The following OR1J2 variants were observed in gnomAD, a reference collection of about 807,000 sequenced individuals.
OR1J2 encodes olfactory receptor family 1 subfamily J member 2.
For synonymous variants in OR1J2, 142 were observed against 99.7 expected (o/e 1.42, Z -2.52); for missense variants, 304 against 246.1 (o/e 1.24, Z -1.57).
At chr9:122,455,923 AC>A in the OR1J2 span, among the ~76,000 whole-genome samples, 1 of 152,104 alleles carries the variant, frequency 6.6e-6, no homozygotes, top group African/African-American at 2.4e-5. Flanking sequence ...CTATCCAATC[AC>A]CCCAGAACCA....
chr9:122,482,633 T>C, the OR1J2 span, among the ~76,000 whole-genome samples: 1 of 152,084 alleles, frequency 6.6e-6, no homozygotes, highest in Non-Finnish European at 1.5e-5. Context: ...AGTGGATAAA[T>C]GGATAAAGAA....
At chr9:122,577,363 C>G in the OR1J2 span, among the ~76,000 whole-genome samples, 2 of 152,028 alleles carry the variant, frequency 1.3e-5, no homozygotes, top group Non-Finnish European at 2.9e-5. Context: ...TTTACTTAGC[C>G]AAAAGTTTTC....
the OR1J2 span, among the ~76,000 whole-genome samples, chr9:122,564,817 G>A: frequency 6.6e-6 from 1 of 152,230 alleles, no homozygotes; most frequent in Non-Finnish European, 1.5e-5. Flanking sequence ...AGGGCCAGCA[G>A]TACACCTTAA....
chr9:122,462,487 G>A, the OR1J2 span, among the ~76,000 whole-genome samples: 1 of 152,006 alleles, frequency 6.6e-6, no homozygotes, highest in African/African-American at 2.4e-5. Flanking sequence ...CCTTGTTTTT[G>A]TTTTTCATTG....
chr9:122,464,032 C>T, the OR1J2 span, among the ~76,000 whole-genome samples: 1 of 152,186 alleles, frequency 6.6e-6, no homozygotes, highest in African/African-American at 2.4e-5. Flanking sequence ...TCTTTGGCTA[C>T]CAGGTCAGCT....
the OR1J2 span, among the ~76,000 whole-genome samples, chr9:122,574,572 G>C: frequency 6.6e-6 from 1 of 151,978 alleles, no homozygotes; most frequent in Non-Finnish European, 1.5e-5. Flanking sequence ...TTGCTTATTA[G>C]TTCCAGGAAT....
the OR1J2 span, among the ~76,000 whole-genome samples, chr9:122,449,408 C>T: frequency 0.023 from 3,425 of 152,122 alleles, 46 homozygotes; most frequent in Middle Eastern, 0.071. Context: ...CTCGCTCTGT[C>T]GCCCAGGCTG....
the OR1J2 span, among the ~76,000 whole-genome samples, chr9:122,536,067 T>C: frequency 1.3e-3 from 202 of 152,248 alleles, no homozygotes; most frequent in African/African-American, 4.4e-3. Flanking sequence ...TGTCATCAGT[T>C]AAGGCAGGAA....
chr9:122,577,733 A>T, the OR1J2 span, among the ~76,000 whole-genome samples: 31,750 of 152,170 alleles, frequency 0.21, 3,703 homozygotes, highest in Non-Finnish European at 0.26. Context: ...GTATTTATTT[A>T]AATATTTTTC....
the OR1J2 span, among the ~76,000 whole-genome samples, chr9:122,552,894 T>C: frequency 6.6e-6 from 1 of 151,800 alleles, no homozygotes; most frequent in East Asian, 1.9e-4. Context: ...CTATTCTCAA[T>C]TCTCACTTCC....
chr9:122,534,556 G>A, the OR1J2 span, among the ~76,000 whole-genome samples: 24 of 152,142 alleles, frequency 1.6e-4, no homozygotes, highest in African/African-American at 4.8e-4. Flanking sequence ...GCTAGTCACC[G>A]AACGAAACTG....
upstream of OR1J2, among the ~76,000 whole-genome samples, chr9:122,506,593 G>T (rs111727858): frequency 6.6e-6 from 1 of 152,262 alleles, no homozygotes; most frequent in African/African-American, 2.4e-5. Flanking sequence ...GATCATAAAT[G>T]CAGGGAAGGT....
At chr9:122,547,207 G>A in the OR1J2 span, among the ~76,000 whole-genome samples, 1 of 151,990 alleles carries the variant, frequency 6.6e-6, no homozygotes, top group African/African-American at 2.4e-5. Context: ...TTGTTTTATT[G>A]TCTTTGATAA....
chr9:122,461,506 C>T, the OR1J2 span, among the ~76,000 whole-genome samples: 1 of 151,908 alleles, frequency 6.6e-6, no homozygotes, highest in Non-Finnish European at 1.5e-5. Flanking sequence ...GAGGTGTGAC[C>T]TTAGATTGCC....
chr9:122,525,471 T>G, the OR1J2 span, among the ~76,000 whole-genome samples: 1 of 152,158 alleles, frequency 6.6e-6, no homozygotes, highest in Non-Finnish European at 1.5e-5. Context: ...AAATAATATT[T>G]TTAATATTTC....
the OR1J2 span, among the ~76,000 whole-genome samples, chr9:122,561,208 G>C: frequency 6.6e-6 from 1 of 151,920 alleles, no homozygotes; most frequent in African/African-American, 2.4e-5. Flanking sequence ...CATCATTTAT[G>C]TTCCTGATTG....
the OR1J2 span, among the ~76,000 whole-genome samples, chr9:122,493,666 C>T: frequency 6.6e-6 from 1 of 151,758 alleles, no homozygotes; most frequent in South Asian, 2.1e-4. Context: ...TTTGTTTTAT[C>T]TTTTGTATTG....
At chr9:122,491,461 A>G in the OR1J2 span, among the ~76,000 whole-genome samples, 6 of 152,120 alleles carry the variant, frequency 3.9e-5, no homozygotes, top group Non-Finnish European at 7.4e-5. Context: ...GAAGGGAGAA[A>G]AGCAAGGAAA....
At chr9:122,534,141 G>T in the OR1J2 span, among the ~76,000 whole-genome samples, 2 of 152,166 alleles carry the variant, frequency 1.3e-5, no homozygotes, top group Admixed American at 6.5e-5. Context: ...CCTGTGCCCT[G>T]CGGTTTAGGC....
Sources: gnomAD v4.1 joint callset for allele counts (sites outside exome capture counted in the v4.1 genomes callset) on GRCh38, gnomAD v4.1.1 for gene constraint, MANE v1.5 for transcripts, NCBI Gene and HGNC (gene_info 2026-07-23, HGNC 2026-07-21) for gene names.